Variants in TCEA3 observed in about 807,000 individuals in gnomAD.
TCEA3 encodes the protein transcription elongation factor A3, also known as transcription elongation factor A protein 3.
In TCEA3, 36 loss-of-function variants were observed where a neutral mutation model predicts 44.0. The ratio of observed to expected loss-of-function variants is 0.82; its 90% CI spans 0.63 to 1.08. The LOEUF is 1.08. TCEA3 is among the 50% of genes least tolerant of loss of function. The pLI is 0.00. For synonymous variants in TCEA3, 162 were observed against 159.7 expected (o/e 1.01, Z -0.11); for missense variants, 392 against 441.2 (o/e 0.89, Z 1.00).
intron 4 of TCEA3, among the ~76,000 whole-genome samples, chr1:23,412,382 ATGGTG>A (rs1639743606): frequency 4.1e-5 from 6 of 147,644 alleles, no homozygotes; most frequent in African/African-American, 5.1e-5. Context: ...CCTGGGCAAC[ATGGTG>A]AGACTCTGTC....
At chr1:23,397,683 TC>T in intron 6 of TCEA3, 82 bp from the exon 7 acceptor site, 1 of 1,605,050 alleles carries the variant, frequency 6.2e-7, no homozygotes, top group Admixed American at 1.7e-5. Context: ...ACTAGAGTGT[TC>T]CTGTACCATC....
intron 4 of TCEA3, among the ~76,000 whole-genome samples, chr1:23,408,944 C>T (rs143274977): frequency 6.6e-6 from 1 of 152,146 alleles, no homozygotes; most frequent in South Asian, 2.1e-4. Context: ...GGAAGGAAGT[C>T]GATATCTGCC....
At chr1:23,388,018 C>T (rs1156442628) in intron 8 of TCEA3, among the ~76,000 whole-genome samples, 1 of 151,906 alleles carries the variant, frequency 6.6e-6, no homozygotes, top group African/African-American at 2.4e-5. Flanking sequence ...AGTCTCCCAC[C>T]AGCTCACAGT....
chr1:23,381,990 A>G (rs994238902), intron 10 of TCEA3, among the ~76,000 whole-genome samples: 20 of 152,038 alleles, frequency 1.3e-4, no homozygotes, highest in Admixed American at 1.1e-3. Context: ...CAGTATTAAC[A>G]TGTATTAACT....
chr1:23,392,397 T>A lies in TCEA3; in HGVS notation c.819+1482A>T, dbSNP rs1241586976. Among the ~76,000 whole-genome samples, 58 of 13,742 alleles carry A rather than the reference T, an allele frequency of 4.2e-3. 1 individual carries two copies. Among genetic ancestry groups the A allele is most frequent in the Middle Eastern group, 0.05 (1 of 20 alleles). The allele number at this position is 13,742 out of a possible 152,430, so 9.0% of individuals were successfully genotyped here. On this transcript the variant is annotated intron_variant, in intron 8 of 10. Transcript: ENST00000450454. ...TCCACACATCATACACAAAACACAC[T>A]CCACACATCATCATGCACAATACAC...
chr1:23,417,369 C>T lies in TCEA3; in HGVS notation c.260G>A (p.Gly87Glu), dbSNP rs747132337. The change falls in exon 4 of 11, where the codon GGA becomes GAA. Residue 87 changes from glycine (G) to glutamate (E), a missense_variant. Coordinates refer to ENST00000450454, the MANE Select transcript of TCEA3 (RefSeq NM_003196.3). ...RLLDSPGPPK[G>E]EKGEEREKAK... ...CTTTTCTCTTTCCTCTCCTTTTTCT[C>T]CTTTTGGGGGTCCAGGGGAGTCTGA... is the stretch of plus-strand genomic sequence containing the variant. 2.0e-5 allele frequency: 33 copies of T among 1,613,756 alleles called. No individual in the cohort carries two copies. Among genetic ancestry groups the T allele is most frequent in the Non-Finnish European group, 2.5e-5 (30 of 1,179,884 alleles).
intron 8 of TCEA3, among the ~76,000 whole-genome samples, 187 bp downstream of exon 8, chr1:23,393,692 C>T (rs4648892): frequency 0.57 from 86,159 of 152,178 alleles, 28,700 homozygotes; most frequent in Non-Finnish European, 0.73. Context: ...CTTAGCACAG[C>T]ACTTAGAACC....
chr1:23,403,998 G>A (rs1374445943), intron 5 of TCEA3: 2 of 647,162 alleles, frequency 3.1e-6, no homozygotes, highest in African/African-American at 3.6e-5. Context: ...TGGGAGGTTG[G>A]ATTTATCAAC....
At chr1:23,404,136 C>T (rs1639476074) in intron 5 of TCEA3, 1 of 702,382 alleles carries the variant, frequency 1.4e-6, no homozygotes, top group Non-Finnish European at 2.6e-6. Flanking sequence ...GAGGGCATTT[C>T]AGTTACTGCA....
chr1:23,386,646 C>T (rs1436067280), intron 9 of TCEA3, among the ~76,000 whole-genome samples: 1 of 152,192 alleles, frequency 6.6e-6, no homozygotes, highest in Non-Finnish European at 1.5e-5. Flanking sequence ...CAGCCTCCAC[C>T]TCCCAGGTTC....
chr1:23,422,238 A>G (rs1401556582), intron 1 of TCEA3, among the ~76,000 whole-genome samples: 3 of 152,170 alleles, frequency 2.0e-5, no homozygotes, highest in Non-Finnish European at 4.4e-5. Flanking sequence ...TTCTATAACT[A>G]TAATGGTCAA....
intron 1 of TCEA3, among the ~76,000 whole-genome samples, chr1:23,424,250 T>C (rs951914729): frequency 4.8e-5 from 7 of 145,670 alleles, no homozygotes; most frequent in Non-Finnish European, 8.9e-5. Flanking sequence ...CACGTCCAGC[T>C]CTCTTCGCCC....
In TCEA3 at chr1:23,398,812, G is replaced by A. The variant is rs550531376; in HGVS notation, c.444-857C>T. ...TCTCTCTCTCTCTCTCTGTCACCCAGGCTGGAGTGCAGTGGTGCAGTCATG... is the reference window on the plus strand; with the variant it reads ...TCTCTCTCTCTCTCTCTGTCACCCAAGCTGGAGTGCAGTGGTGCAGTCATG... On this transcript the variant is annotated intron_variant, in intron 5 of 10. Coordinates refer to ENST00000450454, the MANE Select transcript of TCEA3 (RefSeq NM_003196.3). Among the ~76,000 whole-genome samples, 11 of 151,812 alleles carry A rather than the reference G, an allele frequency of 7.2e-5. 1 individual carries two copies. In the East Asian group the frequency reaches 1.2e-3, roughly 16 times the overall value.
intron 8 of TCEA3, among the ~76,000 whole-genome samples, chr1:23,391,890 T>C (rs1438418792): frequency 4.0e-5 from 6 of 151,744 alleles, no homozygotes; most frequent in African/African-American, 1.5e-4. Flanking sequence ...GCCACTACAC[T>C]CCAGCCTGGG....
rs1004801760 is a variant in TCEA3 at position 23,384,201 on chromosome 1, C to T, written c.1038+145G>A. On this transcript the variant is annotated intron_variant, in intron 10 of 10. Coordinates refer to ENST00000450454, the MANE Select transcript of TCEA3 (RefSeq NM_003196.3). ...CCACCTCCCCAACAGCAATCCGCCA[C>T]TATCTCTGGCTCTGCAGACCTACTC... 3.4e-5 allele frequency: 51 copies of T among 1,505,594 alleles called. No individual in the cohort carries two copies. In the Admixed American group the frequency reaches 1.0e-3, roughly 31 times the overall value. The allele number at this position is 1,505,594 out of a possible 1,614,324, so 93.3% of individuals were successfully genotyped here. A position where few individuals can be genotyped will look rare whatever the true frequency, so the allele number is the denominator to read the frequency against.
chr1:23,393,691 G>A (rs973929267), intron 8 of TCEA3, among the ~76,000 whole-genome samples, 188 bp downstream of exon 8: 1 of 152,220 alleles, frequency 6.6e-6, no homozygotes, highest in African/African-American at 2.4e-5. Flanking sequence ...ACTTAGCACA[G>A]CACTTAGAAC....
rs545565636 is a variant in TCEA3, at chr1:23,424,737, A to AACACACACG, written c.-113_-105dup. ...GGGCGCGCAACCCGCGCGGGCCCCA[A>AACACACACG]ACACACACGACACACACGCCCGGCG... On this transcript the variant is annotated 5_prime_UTR_variant, in exon 1 of 11. Transcript: ENST00000450454. 349 of 805,492 alleles carry AACACACACG rather than the reference A, an allele frequency of 4.3e-4. 3 individuals are homozygous for AACACACACG. In the African/African-American group the frequency reaches 5.6e-3, roughly 13 times the overall value. The allele number at this position is 805,492 out of a possible 1,614,324, so 49.9% of individuals were successfully genotyped here.
intron 1 of TCEA3, chr1:23,423,821 C>T (rs1309858418): frequency 2.2e-6 from 1 of 455,930 alleles, no homozygotes; most frequent in Non-Finnish European, 4.4e-6. Flanking sequence ...GCGCTCTGGC[C>T]AGGACCCTCC....
In TCEA3 at chr1:23,383,961, G is replaced by A. The variant is rs568313525; in HGVS notation, c.1038+385C>T. 48 of 1,056,920 alleles carry A rather than the reference G, an allele frequency of 4.5e-5. No homozygotes were observed. The African/African-American group carries it at 7.8e-4, about 17-fold the overall frequency. The allele number at this position is 1,056,920 out of a possible 1,614,324, so 65.5% of individuals were successfully genotyped here. A position where few individuals can be genotyped will look rare whatever the true frequency, so the allele number is the denominator to read the frequency against. ...CTTCCTGTTTCCCATCCTTGGCTGT[G>A]GCCAGGTTCAAAGGAAATACCATCT... On this transcript the variant is annotated intron_variant, in intron 10 of 10. Transcript: ENST00000450454.
Sources: gnomAD v4.1 joint callset for allele counts (sites outside exome capture counted in the v4.1 genomes callset) on GRCh38, gnomAD v4.1.1 for gene constraint, MANE v1.5 for transcripts, NCBI Gene and HGNC (gene_info 2026-07-23, HGNC 2026-07-21) for gene names.